SPATA6L: variants seen among roughly 807,000 people sequenced by gnomAD.
The protein encoded by SPATA6L is spermatogenesis associated 6-like protein.
A neutral mutation model predicts 49.2 loss-of-function variants in SPATA6L; 68 were observed. The observed-to-expected ratio is 1.38, with a 90% CI of 1.14 to 1.69. The LOEUF (loss-of-function observed/expected upper bound fraction) is 1.69. Ranked by LOEUF, SPATA6L falls within the 40% of genes most tolerant of loss-of-function variation. The pLI, the probability that SPATA6L is intolerant of heterozygous loss-of-function variation, is 0.00. For synonymous variants in SPATA6L, 198 were observed against 165.7 expected (o/e 1.19, Z -1.50); for missense variants, 668 against 464.3 (o/e 1.44, Z -4.03).
intron 1 of SPATA6L, chr9:4,663,371 TC>T: frequency 8.4e-7 from 1 of 1,188,512 alleles, no homozygotes; most frequent in Non-Finnish European, 1.2e-6. Context: ...ATTTCAGGCT[TC>T]CTTTGGGATT....
At position 4,662,530 on chromosome 9, in the gene SPATA6L, A is replaced by AC. The variant is rs1367641078; in HGVS notation, c.40-495dup. 6 of 1,566,210 alleles carry AC rather than the reference A, an allele frequency of 3.8e-6. No homozygotes were observed. Among genetic ancestry groups the AC allele is most frequent in the Non-Finnish European group, 5.1e-6 (6 of 1,165,744 alleles). Reference sequence around the variant, plus strand: ...CTCAGCAGCCGCGCCACGGCCGTGGACCCCACCTGCGCCCGGCTCCGTGCA... The same window carrying AC: ...CTCAGCAGCCGCGCCACGGCCGTGGACCCCCACCTGCGCCCGGCTCCGTGCA... On this transcript the variant is annotated intron_variant, in intron 1 of 11. Coordinates refer to ENST00000682582, the MANE Select transcript of SPATA6L (RefSeq NM_001353486.2). The surrounding 1 kb of genome is among the most constrained non-coding windows in gnomAD (Gnocchi z 4.9).
intron 5 of SPATA6L, chr9:4,628,549 C>A (rs978077198): frequency 6.5e-6 from 1 of 152,730 alleles, no homozygotes; most frequent in African/African-American, 2.4e-5. Flanking sequence ...CAGGCTCAGG[C>A]GATTTGCATG....
chr9:4,608,805 C>T (rs1586997317), intron 9 of SPATA6L, among the ~76,000 whole-genome samples: 3 of 151,796 alleles, frequency 2.0e-5, no homozygotes, highest in African/African-American at 7.3e-5. Flanking sequence ...CAGAGCAGAA[C>T]TGAAGGAAAT....
At chr9:4,636,039 G>A (rs1832742253) in intron 3 of SPATA6L, among the ~76,000 whole-genome samples, 1 of 151,974 alleles carries the variant, frequency 6.6e-6, no homozygotes, top group Non-Finnish European at 1.5e-5. Flanking sequence ...TTTTATAATT[G>A]TCTGAGCCTA....
chr9:4,621,284 ACT>A (rs1242489595), intron 7 of SPATA6L, among the ~76,000 whole-genome samples: 2 of 152,164 alleles, frequency 1.3e-5, no homozygotes, highest in Non-Finnish European at 2.9e-5. Flanking sequence ...TAACCCAGTG[ACT>A]CTCAATGTGT....
intron 1 of SPATA6L, chr9:4,663,498 T>C (rs1840359423): frequency 2.0e-6 from 1 of 490,242 alleles, no homozygotes. Context: ...TGTATATTTA[T>C]TCAACAACTG....
At chr9:4,646,516 C>A in intron 3 of SPATA6L, 1 of 1,508,094 alleles carries the variant, frequency 6.6e-7, no homozygotes, top group Non-Finnish European at 8.9e-7. Flanking sequence ...TAATTCAAAC[C>A]TGGCTAGGAA....
At chr9:4,648,786 C>T (rs301483) in intron 3 of SPATA6L, among the ~76,000 whole-genome samples, 17,699 of 151,960 alleles carry the variant, frequency 0.12, 1,325 homozygotes, top group African/African-American at 0.22. Flanking sequence ...CCGAGCAGTA[C>T]ACACTGCACC....
intron 3 of SPATA6L, among the ~76,000 whole-genome samples, chr9:4,648,714 T>TAAATAAATAAATAAA (rs60168646): frequency 0.027 from 3,983 of 145,110 alleles, 245 homozygotes; most frequent in African/African-American, 0.1. Flanking sequence ...AATAAATAAA[T>TAAATAAATAAATAAA]TAAATAAATA....
intron 3 of SPATA6L, among the ~76,000 whole-genome samples, chr9:4,637,827 C>T (rs1833108957): frequency 6.6e-6 from 1 of 152,148 alleles, no homozygotes; most frequent in African/African-American, 2.4e-5. Context: ...TTCCAGCTTA[C>T]GTTAGCCACT....
At chr9:4,644,685 TCACACACACACACACACACA>T (rs59433051) in intron 3 of SPATA6L, among the ~76,000 whole-genome samples, 2 of 107,680 alleles carry the variant, frequency 1.9e-5, no homozygotes, top group African/African-American at 7.7e-5. Flanking sequence ...TCTCTCTCTC[TCACACACACACACACACACA>T]CACACACACA....
Position 4,598,919 on chromosome 9 carries a change from G to C in SPATA6L, c.*1892C>G, listed in dbSNP as rs1564088519. Among the ~76,000 whole-genome samples the C allele has an allele frequency of 6.6e-6, 1 of 152,224 alleles. No individual in the cohort carries two copies. Among genetic ancestry groups the C allele is most frequent in the Non-Finnish European group, 1.5e-5 (1 of 68,038 alleles). ...AGGTGGAATGCTGGTTGTGATACAG[G>C]TTGAGTCTCCCTTATCTTCAGTGCT... On this transcript the variant is annotated 3_prime_UTR_variant, in exon 12 of 12. Coordinates refer to ENST00000682582, the MANE Select transcript of SPATA6L (RefSeq NM_001353486.2).
At position 4,600,312 on chromosome 9, in the gene SPATA6L, G is replaced by A. The variant is rs1440672474; in HGVS notation, c.*499C>T. Among the ~76,000 whole-genome samples, 2 of 151,900 alleles carry A rather than the reference G, an allele frequency of 1.3e-5. No individual in the cohort carries two copies. Among genetic ancestry groups the A allele is most frequent in the Non-Finnish European group, 2.9e-5 (2 of 67,988 alleles). On this transcript the variant is annotated 3_prime_UTR_variant, in exon 12 of 12. Transcript: ENST00000682582. ...TTCCAAGGTTTTTAGTGGACTTCAC[G>A]TAAATCAAGCCTAACACTAAGAAAT... is the stretch of plus-strand genomic sequence containing the variant.
At chr9:4,650,127 C>T (rs1418434199) in intron 3 of SPATA6L, among the ~76,000 whole-genome samples, 1 of 152,204 alleles carries the variant, frequency 6.6e-6, no homozygotes, top group East Asian at 1.9e-4. Context: ...CTAACCTATG[C>T]TACCTCTGTA....
exon 14 of SPATA6L, chr9:4,588,854 A>G (rs965456647): frequency 5.3e-5 from 8 of 152,180 alleles, no homozygotes; most frequent in Non-Finnish European, 1.2e-4. Context: ...GCCCTTTATT[A>G]AAGCATACCC....
intron 9 of SPATA6L, among the ~76,000 whole-genome samples, chr9:4,606,612 A>G (rs367732067): frequency 1.1e-3 from 48 of 42,148 alleles, no homozygotes; most frequent in Non-Finnish European, 1.8e-3. Flanking sequence ...ACTAACAAAC[A>G]GAAAGGACAT....
At chr9:4,652,362 A>G (rs892169178) in intron 3 of SPATA6L, among the ~76,000 whole-genome samples, 1 of 151,864 alleles carries the variant, frequency 6.6e-6, no homozygotes, top group Non-Finnish European at 1.5e-5. Flanking sequence ...GCAGAGATCT[A>G]GGCAACAAGA....
intron 9 of SPATA6L, among the ~76,000 whole-genome samples, chr9:4,615,178 G>T (rs999642538): frequency 6.6e-6 from 1 of 152,182 alleles, no homozygotes; most frequent in Non-Finnish European, 1.5e-5. Context: ...CATTCCAGAA[G>T]TACCACCCTT....
chr9:4,606,241 C>G (rs559049859), intron 9 of SPATA6L, among the ~76,000 whole-genome samples: 47 of 144,988 alleles, frequency 3.2e-4, no homozygotes, highest in South Asian at 1.8e-3. Flanking sequence ...CGCCATTGCC[C>G]AGGCTTGCTG....
Sources: gnomAD v4.1 joint callset for allele counts (sites outside exome capture counted in the v4.1 genomes callset) on GRCh38, gnomAD v4.1.1 for gene constraint, Gnocchi (gnomAD v3.1) non-coding constraint, MANE v1.5 for transcripts, NCBI Gene and HGNC (gene_info 2026-07-23, HGNC 2026-07-21) for gene names.